The following MROH9 variants were observed in gnomAD, a reference collection of about 807,000 sequenced individuals.
MROH9 encodes maestro heat-like repeat-containing protein family member 9.
MROH9 carries 92 observed loss-of-function variants against 98.2 expected under a neutral mutation model. The ratio of observed to expected loss-of-function variants is 0.94; its 90% confidence interval spans 0.79 to 1.11. The LOEUF (loss-of-function observed/expected upper bound fraction) is 1.11, where lower values mean the gene tolerates loss of function less well. MROH9 is among the 50% of genes most tolerant of loss of function. The probability of loss-of-function intolerance (pLI) is 0.00; values close to 1 mark genes in which losing one functional copy is unlikely to be tolerated. For missense variants in MROH9, 1,057 were observed against 1,014.8 expected, an observed-to-expected ratio of 1.04 and a Z score of -0.57; for synonymous variants, 397 against 368.9, an observed-to-expected ratio of 1.08 and a Z score of -0.87.
Position 170,961,977 on chromosome 1 carries a change from G to A in MROH9, c.375+1G>A, listed in dbSNP as rs1650033502. 9 of 1,488,552 alleles carry A rather than the reference G, an allele frequency of 6.0e-6. No homozygotes were observed. Among genetic ancestry groups the A allele is most frequent in the Non-Finnish European group, 8.2e-6 (9 of 1,096,272 alleles). The allele number at this position is 1,488,552 out of a possible 1,614,324, so 92.2% of individuals were successfully genotyped here. ...CCTCTACAAACTACAGATCTTAAAGGTAAAGAGGAAATAAGTAGTTTAATT... is the reference window on the plus strand; with the variant it reads ...CCTCTACAAACTACAGATCTTAAAGATAAAGAGGAAATAAGTAGTTTAATT... On this transcript the variant is annotated splice_donor_variant, in intron 6 of 21. Transcript: ENST00000367759. LOFTEE classifies it high-confidence loss of function.
intron 14 of MROH9, among the ~76,000 whole-genome samples, chr1:170,997,316 T>C (rs993363516): frequency 6.6e-6 from 1 of 152,088 alleles, no homozygotes; most frequent in Non-Finnish European, 1.5e-5. Flanking sequence ...TGTGTTAAAG[T>C]GTAGTACATC....
At chr1:170,940,191 T>G (rs1443784536) in intron 1 of MROH9, among the ~76,000 whole-genome samples, 2 of 152,196 alleles carry the variant, frequency 1.3e-5, no homozygotes, top group East Asian at 3.8e-4. Flanking sequence ...CAAGTTACCT[T>G]TAACCTTAGA....
chr1:171,024,679 T>A lies in MROH9; in HGVS notation c.2092T>A (p.Ser698Thr). The A allele has an allele frequency of 6.4e-7, 1 of 1,551,064 alleles. No homozygotes were observed. The highest frequency in any genetic ancestry group is 8.7e-7 in the Non-Finnish European group (1 of 1,146,614). ...TAAATATACATTAAAAATCTGTACC[T>A]CACAATTAAAGTGGTCAACATCACG... ...ACKYTLKICT[S>T]QLKWSTSRLL... The change falls in exon 19 of 22, where the codon TCA becomes ACA. Residue 698 changes from serine (S) to threonine (T), a missense_variant. Ser to Thr is a moderately conservative substitution (Grantham distance 58). Coordinates refer to ENST00000367759, the MANE Select transcript of MROH9 (RefSeq NM_001163629.2).
chr1:170,995,331 T>C, intron 12 of MROH9, 58 bp from the exon 13 acceptor site: 2 of 1,597,330 alleles, frequency 1.3e-6, no homozygotes, highest in African/African-American at 2.7e-5. Context: ...CTCAGTAAGG[T>C]TGACCGGGTT....
intron 7 of MROH9, among the ~76,000 whole-genome samples, chr1:170,970,702 C>CTGTGTGTGTG (rs3980698): frequency 6.9e-4 from 82 of 118,502 alleles, no homozygotes; most frequent in African/African-American, 2.1e-3. Context: ...TTAGGAATTT[C>CTGTGTGTGTG]TGTGTGTGTG....
intron 7 of MROH9, among the ~76,000 whole-genome samples, chr1:170,968,346 T>C (rs1650312580): frequency 1.3e-5 from 2 of 152,292 alleles, no homozygotes; most frequent in South Asian, 4.1e-4. Flanking sequence ...CAAAAACCAT[T>C]GTTAAGCTCC....
intron 17 of MROH9, among the ~76,000 whole-genome samples, chr1:171,018,054 C>T (rs1571506222): frequency 6.6e-6 from 1 of 152,310 alleles, no homozygotes; most frequent in East Asian, 1.9e-4. Flanking sequence ...AGCCAAAGTG[C>T]TTTGTTAAGT....
chr1:170,959,358 G>A, intron 4 of MROH9, 104 bp from the exon 5 acceptor site: 1 of 1,103,142 alleles, frequency 9.1e-7, no homozygotes, highest in Non-Finnish European at 1.2e-6. Flanking sequence ...CTGGGTGACA[G>A]AGCGAGACTC....
In MROH9 at chr1:171,035,203, T is replaced by C. The variant is rs199703905; in HGVS notation, c.2281+9783T>C. 5.5e-4 allele frequency among the ~76,000 whole-genome samples: 84 copies of C among 152,066 alleles called. No individual in the cohort carries two copies. The East Asian group carries it at 0.011, about 19-fold the overall frequency. ...TTTGCACATGTGCAACTAAAATGTATTAATTTTGATATATTAATTATAATA... is the reference window on the plus strand; with the variant it reads ...TTTGCACATGTGCAACTAAAATGTACTAATTTTGATATATTAATTATAATA... On this transcript the variant is annotated intron_variant, in intron 20 of 21. Transcript: ENST00000367759.
At chr1:171,005,037 T>C (rs964812660) in intron 15 of MROH9, among the ~76,000 whole-genome samples, 1 of 152,132 alleles carries the variant, frequency 6.6e-6, no homozygotes, top group African/African-American at 2.4e-5. Flanking sequence ...GAAGATTACA[T>C]TGAATGTGTA....
chr1:170,938,686 A>C (rs1413535113), intron 1 of MROH9, among the ~76,000 whole-genome samples: 2 of 152,246 alleles, frequency 1.3e-5, no homozygotes, highest in Non-Finnish European at 2.9e-5. Flanking sequence ...CACAAATGGC[A>C]GTTTTGGCAG....
At chr1:171,044,573 C>CAGT (rs1217505495) in intron 20 of MROH9, among the ~76,000 whole-genome samples, 2 of 152,144 alleles carry the variant, frequency 1.3e-5, no homozygotes, top group Non-Finnish European at 2.9e-5. Context: ...TAGAATTCAA[C>CAGT]AGTAAAGCCA....
chr1:171,055,033 A>AT (rs1491443604), intron 20 of MROH9, among the ~76,000 whole-genome samples: 5 of 126,908 alleles, frequency 3.9e-5, no homozygotes, highest in African/African-American at 1.8e-4. Flanking sequence ...AAGTCATTAT[A>AT]AAAAAAAAAA....
rs1199063303 is a variant in MROH9, at chr1:170,970,731, T to TGAGAGAGAGAGA, written c.481-990_481-979dup. Among the ~76,000 whole-genome samples the TGAGAGAGAGAGA allele has an allele frequency of 1.7e-3, 156 of 90,848 alleles. 4 individuals are homozygous for TGAGAGAGAGAGA. Among genetic ancestry groups the TGAGAGAGAGAGA allele is most frequent in the South Asian group, 4.6e-3 (11 of 2,376 alleles). 59.6% of individuals were successfully genotyped at this position (90,848 alleles called of 152,430 possible). ...GTGTGTGTGTGTGTGTGTGTGTGTG[T>TGAGAGAGAGAGA]GAGAGAGAGAGAGAGAGAGAGAGAG... On this transcript the variant is annotated intron_variant, in intron 7 of 21. Transcript: ENST00000367759.
intron 15 of MROH9, among the ~76,000 whole-genome samples, chr1:171,008,526 C>T (rs1056985515): frequency 3.3e-5 from 5 of 152,192 alleles, no homozygotes; most frequent in Non-Finnish European, 5.9e-5. Flanking sequence ...TGGAAATCAT[C>T]TATTTCTTAA....
intron 3 of MROH9, among the ~76,000 whole-genome samples, chr1:170,948,713 A>G (rs891609155): frequency 3.3e-5 from 5 of 152,106 alleles, no homozygotes; most frequent in Non-Finnish European, 5.9e-5. Context: ...TACAATATTC[A>G]GGAAATGATA....
chr1:170,960,248 T>G (rs896459964), intron 5 of MROH9, among the ~76,000 whole-genome samples: 4 of 152,222 alleles, frequency 2.6e-5, no homozygotes, highest in Non-Finnish European at 4.4e-5. Flanking sequence ...GCTATTTTTT[T>G]ACAAATGTGC....
intron 15 of MROH9, among the ~76,000 whole-genome samples, chr1:171,004,250 G>A (rs1488383978): frequency 2.0e-5 from 3 of 152,078 alleles, no homozygotes; most frequent in Non-Finnish European, 2.9e-5. Context: ...GCCCTCCCCC[G>A]AGTTCTGGCC....
chr1:170,937,249 C>T (rs899349532), intron 1 of MROH9, among the ~76,000 whole-genome samples: 19 of 152,202 alleles, frequency 1.2e-4, no homozygotes, highest in Admixed American at 9.2e-4. Flanking sequence ...AAACCCTTCT[C>T]AGAGGAGGAG....
Sources: gnomAD v4.1 joint callset for allele counts (sites outside exome capture counted in the v4.1 genomes callset) on GRCh38, gnomAD v4.1.1 for gene constraint, MANE v1.5 for transcripts, NCBI Gene and HGNC (gene_info 2026-07-23, HGNC 2026-07-21) for gene names.